The following THSD7B variants were observed in gnomAD, a reference collection of about 807,000 sequenced individuals.
The protein encoded by THSD7B is thrombospondin type-1 domain-containing protein 7B.
In THSD7B, 138 loss-of-function variants were observed where a neutral mutation model predicts 213.6. That is an observed-to-expected ratio of 0.65 (90% CI 0.56 to 0.74). The LOEUF (loss-of-function observed/expected upper bound fraction) is 0.74, where lower values mean the gene tolerates loss of function less well. Ranked by LOEUF, THSD7B falls within the 30% of genes least tolerant of loss-of-function variation. The pLI, the probability that THSD7B is intolerant of heterozygous loss-of-function variation, is 0.00. For missense variants in THSD7B, 1,931 were observed against 1,991.5 expected (o/e 0.97, Z 0.58); for synonymous variants, 742 against 687.0 (o/e 1.08, Z -1.25).
At chr2:136,781,293 G>A (rs1348024670) in intron 1 of THSD7B, among the ~76,000 whole-genome samples, 1 of 143,514 alleles carries the variant, frequency 7.0e-6, no homozygotes, top group Non-Finnish European at 1.5e-5. Context: ...TTGAGATGGA[G>A]TCACTGTGTC....
intron 12 of THSD7B, among the ~76,000 whole-genome samples, chr2:137,354,210 C>G (rs187777404): frequency 4.1e-4 from 63 of 152,054 alleles, no homozygotes; most frequent in African/African-American, 1.4e-3. Flanking sequence ...ACAGTAGTAT[C>G]TTATTTGCCT....
At chr2:137,453,331 T>TA (rs1475907138) in intron 15 of THSD7B, among the ~76,000 whole-genome samples, 1 of 131,778 alleles carries the variant, frequency 7.6e-6, no homozygotes, top group Non-Finnish European at 1.6e-5. Context: ...ATTTACTTTT[T>TA]TTTTTTTTTT....
At chr2:137,099,033 C>G (rs1171795896) in intron 4 of THSD7B, among the ~76,000 whole-genome samples, 1 of 152,132 alleles carries the variant, frequency 6.6e-6, no homozygotes, top group African/African-American at 2.4e-5. Flanking sequence ...CCCAGGAAAC[C>G]TCTTCCTTCA....
At chr2:137,385,548 C>T (rs898362514) in intron 12 of THSD7B, among the ~76,000 whole-genome samples, 12 of 152,200 alleles carry the variant, frequency 7.9e-5, no homozygotes, top group Non-Finnish European at 7.3e-5. Flanking sequence ...CCAGGGTTTG[C>T]AGGGGCCTCT....
chr2:137,657,556 G>A (rs1338951152), intron 24 of THSD7B, among the ~76,000 whole-genome samples: 3 of 152,004 alleles, frequency 2.0e-5, no homozygotes, highest in African/African-American at 7.3e-5. Flanking sequence ...AAACTAAAGA[G>A]GTTAATAAAG....
chr2:137,317,507 A>G (rs554210893), intron 12 of THSD7B, among the ~76,000 whole-genome samples: 2 of 152,242 alleles, frequency 1.3e-5, no homozygotes, highest in East Asian at 1.9e-4. Context: ...TAATCAAATT[A>G]TCTTATAGTA....
At chr2:136,878,152 T>C (rs975935397) in intron 1 of THSD7B, among the ~76,000 whole-genome samples, 17 of 152,196 alleles carry the variant, frequency 1.1e-4, no homozygotes, top group African/African-American at 3.9e-4. Context: ...TTCCCACCTA[T>C]GAATGAGAAC....
intron 1 of THSD7B, among the ~76,000 whole-genome samples, chr2:136,829,168 T>G (rs60689327): frequency 0.081 from 6,567 of 81,446 alleles, 176 homozygotes; most frequent in South Asian, 0.21. Flanking sequence ...AGAAGGAGCA[T>G]ATCTAATTCT....
chr2:137,163,274 T>C lies in THSD7B; in HGVS notation c.1525+2906T>C, dbSNP rs112213889. Among the ~76,000 whole-genome samples, 1,336 of 152,288 alleles carry C rather than the reference T, an allele frequency of 8.8e-3. 22 individuals are homozygous for C. Among genetic ancestry groups the C allele is most frequent in the African/African-American group, 0.03 (1,262 of 41,566 alleles). ...TGAATGGTATGCCCCCAAAAAGATG[T>C]GTTCAAATCCCAACCCCTGGTACAT... On this transcript the variant is annotated intron_variant, in intron 6 of 27. Coordinates refer to ENST00000409968, the MANE Select transcript of THSD7B (RefSeq NM_001316349.2).
intron 12 of THSD7B, among the ~76,000 whole-genome samples, chr2:137,328,116 T>C (rs185868260): frequency 1.3e-5 from 2 of 152,344 alleles, no homozygotes; most frequent in East Asian, 3.9e-4. Context: ...CTGCGTGAAA[T>C]TTGACATCTT....
chr2:136,892,130 A>G (rs1683871748), intron 2 of THSD7B, among the ~76,000 whole-genome samples: 1 of 152,146 alleles, frequency 6.6e-6, no homozygotes, highest in African/African-American at 2.4e-5. Context: ...AAGCTTCCAC[A>G]GAGAAACAGA....
chr2:136,923,087 A>G (rs2105036871), intron 2 of THSD7B, among the ~76,000 whole-genome samples: 2 of 152,304 alleles, frequency 1.3e-5, no homozygotes, highest in African/African-American at 4.8e-5. Flanking sequence ...CTGAAATATT[A>G]TACCCGTTAA....
At chr2:137,431,122 C>G (rs1318271606) in intron 14 of THSD7B, among the ~76,000 whole-genome samples, 9 of 152,170 alleles carry the variant, frequency 5.9e-5, no homozygotes. Context: ...GGTCAGGGAA[C>G]AGCTTGGTTT....
chr2:137,210,177 T>G (rs1350952694), intron 7 of THSD7B, among the ~76,000 whole-genome samples: 2 of 152,076 alleles, frequency 1.3e-5, no homozygotes, highest in East Asian at 3.9e-4. Flanking sequence ...GTTATGGTAG[T>G]CCAAGAAAAT....
intron 12 of THSD7B, among the ~76,000 whole-genome samples, chr2:137,400,027 A>C (rs2104995241): frequency 6.6e-6 from 1 of 152,120 alleles, no homozygotes; most frequent in African/African-American, 2.4e-5. Context: ...AACTTTTCAG[A>C]TCTATTATTT....
intron 7 of THSD7B, among the ~76,000 whole-genome samples, chr2:137,219,253 A>G (rs1681314380): frequency 6.6e-6 from 1 of 152,158 alleles, no homozygotes. Context: ...TGCCTTTTAA[A>G]GGGAAACACT....
intron 15 of THSD7B, among the ~76,000 whole-genome samples, chr2:137,488,957 A>G (rs2105118970): frequency 6.6e-6 from 1 of 152,314 alleles, no homozygotes; most frequent in East Asian, 1.9e-4. Context: ...CTCAGTTCTC[A>G]GATTTTAGGG....
intron 16 of THSD7B, among the ~76,000 whole-genome samples, chr2:137,572,127 A>G (rs968900581): frequency 6.6e-6 from 1 of 152,200 alleles, no homozygotes; most frequent in African/African-American, 2.4e-5. Context: ...CTTGAAATAT[A>G]AAGTTCTTCA....
At chr2:136,995,516 A>G (rs1298692405) in intron 2 of THSD7B, among the ~76,000 whole-genome samples, 1 of 152,090 alleles carries the variant, frequency 6.6e-6, no homozygotes, top group Admixed American at 6.5e-5. Context: ...GAAAGTTTTA[A>G]TTTGAACTAG....
Sources: gnomAD v4.1 joint callset for allele counts (sites outside exome capture counted in the v4.1 genomes callset) on GRCh38, gnomAD v4.1.1 for gene constraint, MANE v1.5 for transcripts, NCBI Gene and HGNC (gene_info 2026-07-23, HGNC 2026-07-21) for gene names.